Variants in RPS6KA6 observed in about 807,000 individuals in gnomAD.
The protein encoded by RPS6KA6 is ribosomal protein S6 kinase alpha-6.
A neutral mutation model predicts 65.4 loss-of-function variants in RPS6KA6; 27 were observed. That is an observed-to-expected ratio of 0.41 (90% confidence interval 0.30 to 0.57). RPS6KA6 has a LOEUF of 0.57. Among genes scored for constraint, RPS6KA6 ranks in the 20% least tolerant of loss-of-function variants. The pLI is 0.24. For missense variants in RPS6KA6, 486 were observed against 555.6 expected, an observed-to-expected ratio of 0.87 and a Z score of 1.26; for synonymous variants, 190 against 184.2, an observed-to-expected ratio of 1.03 and a Z score of -0.26.
rs190429215 is a variant in RPS6KA6 at position 84,106,347 on chromosome X, T to C, written c.1365+18A>G. 7.4e-5 allele frequency: 88 copies of C among 1,190,748 alleles called. No homozygotes were observed. In the African/African-American group the frequency reaches 1.5e-3, roughly 20 times the overall value. ...ACATGCATAAAACAAACAAGAAAGC[T>C]AGGCTCAGAGACAATACCTTCACTG... is the stretch of plus-strand genomic sequence containing the variant. On this transcript the variant is annotated intron_variant, in intron 15 of 21. Coordinates refer to ENST00000262752, the MANE Select transcript of RPS6KA6 (RefSeq NM_014496.5).
At chrX:84,101,495 C>A (rs1187139329) in intron 18 of RPS6KA6, among the ~76,000 whole-genome samples, 1 of 110,715 alleles carries the variant, frequency 9.0e-6, no homozygotes, top group Non-Finnish European at 1.9e-5. Context: ...AAAATCCCCA[C>A]GGCTTACAAA....
chrX:84,103,100 T>C (rs890078908), intron 17 of RPS6KA6, among the ~76,000 whole-genome samples: 4 of 111,040 alleles, frequency 3.6e-5, no homozygotes, highest in African/African-American at 6.5e-5. Context: ...TAATGAAATA[T>C]GAAATTCTCT....
chrX:84,119,054 A>G (rs980102697), intron 9 of RPS6KA6, among the ~76,000 whole-genome samples: 3 of 111,947 alleles, frequency 2.7e-5, no homozygotes, highest in Non-Finnish European at 3.8e-5. Flanking sequence ...TCCATCCTTC[A>G]GGGCTTAATT....
chrX:84,075,374 A>G (rs1454892010), intron 20 of RPS6KA6, among the ~76,000 whole-genome samples: 1 of 112,115 alleles, frequency 8.9e-6, no homozygotes, highest in Non-Finnish European at 1.9e-5. Context: ...TAGAACAACA[A>G]AAGAGCAGTT....
In RPS6KA6 at chrX:84,064,072, C is replaced by T. The variant is rs1346661731; in HGVS notation, c.*205G>A. ...GACACCAATTATATGCTTAAATAAA[C>T]ACTTGAACACTACTGCAAACACATA... On this transcript the variant is annotated 3_prime_UTR_variant, in exon 22 of 22. Coordinates refer to ENST00000262752, the MANE Select transcript of RPS6KA6 (RefSeq NM_014496.5). 1 of 363,136 alleles carries T rather than the reference C, an allele frequency of 2.8e-6. No homozygotes were observed. The highest frequency in any genetic ancestry group is 4.7e-5 in the East Asian group (1 of 21,481). The allele number at this position is 363,136 out of a possible 1,213,427, so 29.9% of individuals were successfully genotyped here.
Position 84,060,493 on chromosome X carries a change from A to G in RPS6KA6, c.*3784T>C, listed in dbSNP as rs868241957. 2.4e-4 allele frequency: 26 copies of G among 108,104 alleles called. No individual in the cohort carries two copies. The highest frequency in any genetic ancestry group is 8.4e-4 in the African/African-American group (25 of 29,739). 8.9% of individuals were successfully genotyped at this position (108,104 alleles called of 1,213,427 possible). A position where few individuals can be genotyped will look rare whatever the true frequency, so the allele number is the denominator to read the frequency against. Reference sequence around the variant, plus strand: ...AATGGGATGGGGGGTGGGGGGAATAAAACTTCTTATGCTATATAGGTCATG... The same window carrying G: ...AATGGGATGGGGGGTGGGGGGAATAGAACTTCTTATGCTATATAGGTCATG... On this transcript the variant is annotated 3_prime_UTR_variant, in exon 22 of 22. Transcript: ENST00000262752.
Position 84,123,195 on chromosome X carries a change from A to G in RPS6KA6, c.647-3168T>C, listed in dbSNP as rs539449720. Among the ~76,000 whole-genome samples, 9 of 112,306 alleles carry G rather than the reference A, an allele frequency of 8.0e-5. No individual in the cohort carries two copies. In the South Asian group the frequency reaches 3.3e-3, roughly 42 times the overall value. On this transcript the variant is annotated intron_variant, in intron 8 of 21. Coordinates refer to ENST00000262752, the MANE Select transcript of RPS6KA6 (RefSeq NM_014496.5). ...GGGCCATGAACAACCACCAGCAGCA[A>G]TATACCCAGGTAGTACACCATGGGC... is the stretch of plus-strand genomic sequence containing the variant.
At chrX:84,090,118 A>G (rs1039215261) in intron 20 of RPS6KA6, among the ~76,000 whole-genome samples, 1 of 112,336 alleles carries the variant, frequency 8.9e-6, no homozygotes, top group African/African-American at 3.2e-5. Context: ...TCTGAGGTAA[A>G]ACTTTTTTAT....
chrX:84,127,437 G>A (rs766702304), intron 8 of RPS6KA6, among the ~76,000 whole-genome samples: 30 of 111,189 alleles, frequency 2.7e-4, no homozygotes, highest in African/African-American at 8.8e-4. Context: ...CCAAAAAATA[G>A]AGCAGGAGGG....
In RPS6KA6 at chrX:84,166,150, C is replaced by T. The variant is rs773890978; in HGVS notation, c.82-1763G>A. On this transcript the variant is annotated intron_variant, in intron 1 of 21. Coordinates refer to ENST00000262752, the MANE Select transcript of RPS6KA6 (RefSeq NM_014496.5). The stretch of plus-strand genomic sequence containing the variant: ...TGAGTGGCACATGCAGAGTGCTGAC[C>T]CAAACTCTCTGAAAACTGAATTAAC... Among the ~76,000 whole-genome samples, 110 of 111,733 alleles carry T rather than the reference C, an allele frequency of 9.8e-4. 1 individual carries two copies. In the South Asian group the frequency reaches 0.011, roughly 11 times the overall value.
At chrX:84,148,788 T>C (rs1211218410) in intron 3 of RPS6KA6, among the ~76,000 whole-genome samples, 1 of 111,553 alleles carries the variant, frequency 9.0e-6, no homozygotes. Context: ...TGGTGGAGGG[T>C]CTTGCCTCAA....
intron 3 of RPS6KA6, among the ~76,000 whole-genome samples, chrX:84,150,833 A>G (rs1415978770): frequency 9.8e-6 from 1 of 102,014 alleles, no homozygotes; most frequent in Non-Finnish European, 2.0e-5. Flanking sequence ...ATATATAGAG[A>G]GGATATATAT....
chrX:84,133,544 C>T (rs2034939898), intron 8 of RPS6KA6, among the ~76,000 whole-genome samples: 2 of 111,098 alleles, frequency 1.8e-5, no homozygotes, highest in Non-Finnish European at 1.9e-5. Context: ...AATGAGAACA[C>T]TAAATACAAA....
intron 6 of RPS6KA6, among the ~76,000 whole-genome samples, chrX:84,136,297 T>G (rs182107779): frequency 9.0e-6 from 1 of 111,708 alleles, no homozygotes; most frequent in Non-Finnish European, 1.9e-5. Flanking sequence ...GTACATGTCA[T>G]AATAGCTTAC....
chrX:84,104,700 C>T, intron 16 of RPS6KA6, 43 bp from the exon 17 acceptor site: 2 of 800,670 alleles, frequency 2.5e-6, no homozygotes, highest in Non-Finnish European at 3.4e-6. Flanking sequence ...TTTATAATTA[C>T]AATTCTATAA....
chrX:84,138,610 TATAAA>T (rs771350572), intron 6 of RPS6KA6, among the ~76,000 whole-genome samples: 13 of 112,560 alleles, frequency 1.2e-4, no homozygotes, highest in African/African-American at 4.2e-4. Context: ...CCAAGGAAAC[TATAAA>T]ATAATTCTGT....
At chrX:84,070,558 A>C (rs774075160) in intron 20 of RPS6KA6, among the ~76,000 whole-genome samples, 10 of 111,013 alleles carry the variant, frequency 9.0e-5, no homozygotes, top group African/African-American at 3.3e-4. Flanking sequence ...CTTAAAGTAA[A>C]ATTAACCAAA....
At chrX:84,152,181 C>A (rs765523724) in intron 3 of RPS6KA6, among the ~76,000 whole-genome samples, 1 of 110,973 alleles carries the variant, frequency 9.0e-6, no homozygotes, top group Non-Finnish European at 1.9e-5. Flanking sequence ...AGAGAAGTAA[C>A]CTGTTTAACA....
At chrX:84,151,276 C>CAT (rs1172551066) in intron 3 of RPS6KA6, among the ~76,000 whole-genome samples, 1 of 103,401 alleles carries the variant, frequency 9.7e-6, no homozygotes, top group Non-Finnish European at 2.0e-5. Flanking sequence ...CACACATATA[C>CAT]ATATATATAC....
Sources: gnomAD v4.1 joint callset for allele counts (sites outside exome capture counted in the v4.1 genomes callset) on GRCh38, gnomAD v4.1.1 for gene constraint, MANE v1.5 for transcripts, NCBI Gene and HGNC (gene_info 2026-07-23, HGNC 2026-07-21) for gene names.